Variants in DIAPH2 observed in about 807,000 individuals in gnomAD.
DIAPH2 encodes the protein diaphanous related formin 2.
In DIAPH2, 35 loss-of-function variants were observed where a neutral mutation model predicts 92.7. That is an observed-to-expected ratio of 0.38 (90% CI 0.29 to 0.50). The LOEUF (loss-of-function observed/expected upper bound fraction) is 0.50, where lower values mean the gene tolerates loss of function less well. DIAPH2 is among the 20% of genes least tolerant of loss of function. The pLI is 0.94. For synonymous variants in DIAPH2, 301 were observed against 280.4 expected (o/e 1.07, Z -0.73); for missense variants, 701 against 819.5 (o/e 0.86, Z 1.77).
chrX:97,228,521 C>T (rs1299044179), intron 22 of DIAPH2, among the ~76,000 whole-genome samples: 1 of 111,807 alleles, frequency 8.9e-6, no homozygotes, highest in Non-Finnish European at 1.9e-5. Context: ...TTAGTGTATG[C>T]TCACTTTTTT....
chrX:97,024,430 G>A (rs546823325), intron 17 of DIAPH2, among the ~76,000 whole-genome samples: 2 of 111,751 alleles, frequency 1.8e-5, no homozygotes, highest in Admixed American at 1.9e-4. Flanking sequence ...TAGGGATTCA[G>A]ATCATTCCCA....
intron 23 of DIAPH2, among the ~76,000 whole-genome samples, chrX:97,269,116 G>A (rs1200700271): frequency 9.0e-6 from 1 of 111,493 alleles, no homozygotes; most frequent in Non-Finnish European, 1.9e-5. Flanking sequence ...CCGCCTCCCA[G>A]AGTGCTGGGA....
At chrX:97,322,053 C>G (rs913777378) in intron 23 of DIAPH2, among the ~76,000 whole-genome samples, 3 of 112,181 alleles carry the variant, frequency 2.7e-5, no homozygotes, top group African/African-American at 9.7e-5. Flanking sequence ...ATGTTAATGT[C>G]AAATCTAAAA....
chrX:97,538,258 A>G (rs927743069), intron 26 of DIAPH2, among the ~76,000 whole-genome samples: 48 of 111,716 alleles, frequency 4.3e-4, no homozygotes, highest in African/African-American at 1.5e-3. Context: ...ATTTTGCCAT[A>G]ATTTATTAGG....
chrX:97,499,667 A>G lies in DIAPH2; in HGVS notation c.3241+69922A>G, dbSNP rs1226870559. ...GTACTCATATGTTTATTGCAGTACT[A>G]CTCACAATAGCAAAGTCATGGAATC... is the stretch of plus-strand genomic sequence containing the variant. On this transcript the variant is annotated intron_variant, in intron 26 of 26. Coordinates refer to ENST00000324765, the MANE Select transcript of DIAPH2 (RefSeq NM_006729.5). Among the ~76,000 whole-genome samples the G allele has an allele frequency of 3.6e-5, 4 of 112,100 alleles. No homozygotes were observed. In the Admixed American group the frequency reaches 3.8e-4, roughly 11 times the overall value.
chrX:97,349,682 T>C (rs1259510865), intron 24 of DIAPH2, among the ~76,000 whole-genome samples: 1 of 111,129 alleles, frequency 9.0e-6, no homozygotes, highest in African/African-American at 3.3e-5. Context: ...TCATATGTCT[T>C]CTTTTTTGCT....
intron 26 of DIAPH2, among the ~76,000 whole-genome samples, chrX:97,466,611 T>G (rs945154453): frequency 4.5e-5 from 5 of 111,821 alleles, no homozygotes; most frequent in South Asian, 3.7e-4. Flanking sequence ...CTAGATGAAT[T>G]TAGAGCTTTT....
chrX:97,049,759 C>T (rs1218357154), intron 17 of DIAPH2, among the ~76,000 whole-genome samples: 16 of 110,241 alleles, frequency 1.5e-4, no homozygotes, highest in African/African-American at 5.3e-4. Flanking sequence ...TAATTTTTTC[C>T]CTTCATTCTT....
chrX:97,308,812 G>A (rs1303025855), intron 23 of DIAPH2, among the ~76,000 whole-genome samples: 2 of 105,442 alleles, frequency 1.9e-5, no homozygotes, highest in Admixed American at 2.0e-4. Flanking sequence ...TAGTAGAGAC[G>A]GGGTTTCACC....
At chrX:96,932,028 G>A (rs1210504098) in intron 10 of DIAPH2, among the ~76,000 whole-genome samples, 3 of 110,720 alleles carry the variant, frequency 2.7e-5, no homozygotes, top group African/African-American at 9.9e-5. Context: ...AGTGTGACAT[G>A]TGATTATTCT....
intron 21 of DIAPH2, among the ~76,000 whole-genome samples, chrX:97,125,160 T>C (rs1032018711): frequency 9.0e-6 from 1 of 111,246 alleles, no homozygotes; most frequent in Non-Finnish European, 1.9e-5. Flanking sequence ...TATACATCAA[T>C]TGACTCATAA....
chrX:97,305,500 C>A (rs2068738621), intron 23 of DIAPH2, among the ~76,000 whole-genome samples: 1 of 101,594 alleles, frequency 9.8e-6, no homozygotes, highest in African/African-American at 3.6e-5. Flanking sequence ...TCTCAAAAAA[C>A]AAACAAACAA....
intron 1 of DIAPH2, among the ~76,000 whole-genome samples, chrX:96,697,059 G>A (rs1275893587): frequency 1.8e-5 from 2 of 110,118 alleles, no homozygotes; most frequent in Non-Finnish European, 3.8e-5. Context: ...TACTTTTATA[G>A]CATTAAGAAG....
chrX:97,423,241 T>G (rs1311177447), intron 25 of DIAPH2, among the ~76,000 whole-genome samples: 1 of 111,457 alleles, frequency 9.0e-6, no homozygotes, highest in Non-Finnish European at 1.9e-5. Flanking sequence ...AGGAAGACAC[T>G]GTATCTTCCA....
At chrX:97,204,920 C>T (rs966091382) in intron 22 of DIAPH2, among the ~76,000 whole-genome samples, 2 of 111,695 alleles carry the variant, frequency 1.8e-5, no homozygotes, top group African/African-American at 6.5e-5. Flanking sequence ...TGACTTTAAA[C>T]TATACTACAA....
At chrX:97,284,837 T>C (rs910534941) in intron 23 of DIAPH2, among the ~76,000 whole-genome samples, 2 of 111,205 alleles carry the variant, frequency 1.8e-5, no homozygotes, top group Non-Finnish European at 3.8e-5. Flanking sequence ...TATGAATACC[T>C]AGAAGGCAAG....
At chrX:97,236,227 ACT>A in intron 22 of DIAPH2, among the ~76,000 whole-genome samples, 1 of 111,477 alleles carries the variant, frequency 9.0e-6, no homozygotes, top group East Asian at 2.8e-4. Flanking sequence ...TTCCTCAAAA[ACT>A]CTGTGAAGTG....
intron 1 of DIAPH2, among the ~76,000 whole-genome samples, chrX:96,691,380 A>G (rs1243540970): frequency 8.9e-6 from 1 of 112,349 alleles, no homozygotes; most frequent in Non-Finnish European, 1.9e-5. Context: ...GAAGACACCC[A>G]TTGTGGGATA....
At chrX:97,528,282 TTTG>T (rs1471159552) in intron 26 of DIAPH2, 1 of 112,043 alleles carries the variant, frequency 8.9e-6, no homozygotes, top group East Asian at 2.8e-4. Context: ...TTTATTTGCT[TTTG>T]TTGTTGTTAT....
Sources: allele counts gnomAD v4.1 joint callset (sites outside exome capture counted in the v4.1 genomes callset), GRCh38; gene constraint gnomAD v4.1.1; transcripts MANE v1.5; gene names NCBI Gene and HGNC (gene_info 2026-07-23, HGNC 2026-07-21).